The following GPR39 variants were observed in gnomAD, a reference collection of about 807,000 sequenced individuals.
The protein encoded by GPR39 is G protein-coupled receptor 39, also known as zinc sensing receptor.
Under a neutral mutation model 18.4 loss-of-function variants are expected in GPR39, and 23 were observed. The ratio of observed to expected loss-of-function variants is 1.25; its 90% CI spans 0.90 to 1.77. The LOEUF (loss-of-function observed/expected upper bound fraction) is 1.77. Among genes scored for constraint, GPR39 ranks in the 40% most tolerant of loss-of-function variants. The pLI is 0.00. For synonymous variants in GPR39, 280 were observed against 257.9 expected, an observed-to-expected ratio of 1.09 and a Z score of -0.82; for missense variants, 647 against 602.4, an observed-to-expected ratio of 1.07 and a Z score of -0.78.
intron 1 of GPR39, among the ~76,000 whole-genome samples, chr2:132,570,792 A>G (rs188266330): frequency 6.6e-6 from 1 of 152,192 alleles, no homozygotes; most frequent in African/African-American, 2.4e-5. Context: ...AATCTCCCTG[A>G]GGCAGCAGCC....
chr2:132,420,113 C>A (rs1189185174), intron 1 of GPR39, among the ~76,000 whole-genome samples: 1 of 152,202 alleles, frequency 6.6e-6, no homozygotes, highest in Non-Finnish European at 1.5e-5. Flanking sequence ...TCTTCTGGCT[C>A]TTTCCTTCTT....
chr2:132,522,779 T>G (rs1434894271), intron 1 of GPR39, among the ~76,000 whole-genome samples: 2 of 152,178 alleles, frequency 1.3e-5, no homozygotes, highest in Non-Finnish European at 2.9e-5. Flanking sequence ...CCTCCTTCCC[T>G]CTCTCTGACT....
At chr2:132,460,365 G>C (rs1680808835) in intron 1 of GPR39, among the ~76,000 whole-genome samples, 1 of 152,122 alleles carries the variant, frequency 6.6e-6, no homozygotes, top group Non-Finnish European at 1.5e-5. Context: ...TCTGAAAGTT[G>C]GCTTATGCTA....
intron 1 of GPR39, among the ~76,000 whole-genome samples, chr2:132,545,653 G>GGTGTGTGTGTGTGTGTGTGTGT (rs5834318): frequency 7.4e-5 from 10 of 134,788 alleles, no homozygotes; most frequent in African/African-American, 2.0e-4. Context: ...ATGTGTGATG[G>GGTGTGTGTGTGTGTGTGTGTGT]GCGTGTGTGT....
At chr2:132,533,565 T>G (rs141926272) in intron 1 of GPR39, among the ~76,000 whole-genome samples, 3 of 151,044 alleles carry the variant, frequency 2.0e-5, no homozygotes, top group Non-Finnish European at 4.4e-5. Flanking sequence ...AGAACAAAGC[T>G]GGAGGCATCC....
intron 1 of GPR39, among the ~76,000 whole-genome samples, chr2:132,516,098 G>T (rs566008341): frequency 1.5e-4 from 23 of 152,202 alleles, no homozygotes; most frequent in Middle Eastern, 6.8e-3. Flanking sequence ...TGCTTTCTGG[G>T]TCCTGGCAAG....
intron 1 of GPR39, among the ~76,000 whole-genome samples, chr2:132,489,646 C>T (rs1681419084): frequency 1.3e-5 from 2 of 151,926 alleles, no homozygotes; most frequent in Admixed American, 6.6e-5. Context: ...GGGCAAGACA[C>T]ATTTGTATGA....
intron 1 of GPR39, among the ~76,000 whole-genome samples, chr2:132,431,121 C>T (rs1285381346): frequency 6.6e-6 from 1 of 152,160 alleles, no homozygotes; most frequent in Non-Finnish European, 1.5e-5. Context: ...GACTCACTCA[C>T]TCACCTAGGT....
intron 1 of GPR39, among the ~76,000 whole-genome samples, chr2:132,617,941 A>G (rs188160422): frequency 1.3e-4 from 20 of 152,318 alleles, no homozygotes; most frequent in African/African-American, 4.8e-4. Context: ...GGCCAGCTCC[A>G]AAAGTCAGAA....
chr2:132,461,200 T>C (rs1210593105), intron 1 of GPR39, among the ~76,000 whole-genome samples: 2 of 152,194 alleles, frequency 1.3e-5, no homozygotes, highest in Non-Finnish European at 2.9e-5. Context: ...TGAAATGACA[T>C]CCTTGTGTTA....
intron 1 of GPR39, among the ~76,000 whole-genome samples, chr2:132,590,818 CGTGTGTGTGTGTGTGTGT>C (rs3066458): frequency 1.4e-5 from 2 of 143,900 alleles, no homozygotes; most frequent in South Asian, 4.6e-4. Context: ...AAGTATTGTT[CGTGTGTGTGTGTGTGTGT>C]GTGTGTGTGT....
At chr2:132,428,818 T>A (rs1680174416) in intron 1 of GPR39, among the ~76,000 whole-genome samples, 1 of 152,190 alleles carries the variant, frequency 6.6e-6, no homozygotes, top group African/African-American at 2.4e-5. Context: ...AGGTGGGAAT[T>A]TGCTCCATGA....
chr2:132,438,526 G>T (rs1680373269), intron 1 of GPR39, among the ~76,000 whole-genome samples: 1 of 149,494 alleles, frequency 6.7e-6, no homozygotes, highest in South Asian at 2.1e-4. Context: ...TTACGTATGG[G>T]CAATCCCTGT....
At chr2:132,482,940 A>G (rs991043785) in intron 1 of GPR39, among the ~76,000 whole-genome samples, 21 of 152,116 alleles carry the variant, frequency 1.4e-4, no homozygotes, top group African/African-American at 4.8e-4. Context: ...CTTCCACTCA[A>G]TGTTAAGTAC....
At chr2:132,534,954 C>G (rs914911946) in intron 1 of GPR39, among the ~76,000 whole-genome samples, 4 of 151,444 alleles carry the variant, frequency 2.6e-5, no homozygotes, top group African/African-American at 9.7e-5. Context: ...CAAACCTGGA[C>G]GTTGTGCACA....
intron 1 of GPR39, among the ~76,000 whole-genome samples, chr2:132,592,024 A>C (rs1680854870): frequency 6.6e-6 from 1 of 152,234 alleles, no homozygotes. Flanking sequence ...TTTCCTTGGT[A>C]AACAGGGTCT....
chr2:132,431,046 G>C (rs929014109), intron 1 of GPR39, among the ~76,000 whole-genome samples: 1 of 152,168 alleles, frequency 6.6e-6, no homozygotes, highest in African/African-American at 2.4e-5. Flanking sequence ...TCCTGCTTCT[G>C]AAATGCTGCT....
rs944718397 is a variant in GPR39 at position 132,645,968 on chromosome 2, AACTC to A, written c.*368_*371del. 5.7e-5 allele frequency: 63 copies of A among 1,114,112 alleles called. No homozygotes were observed. The highest frequency in any genetic ancestry group is 6.9e-5 in the Non-Finnish European group (54 of 788,210). 69.0% of individuals were successfully genotyped at this position (1,114,112 alleles called of 1,614,324 possible). ...CCAGAATAAAAGGACACCCAGAAGAAACTCACTCAGGGAGGTGGGGGGTTGGGGG... is the reference window on the plus strand; with the variant it reads ...CCAGAATAAAAGGACACCCAGAAGAAACTCAGGGAGGTGGGGGGTTGGGGG... On this transcript the variant is annotated 3_prime_UTR_variant, in exon 2 of 2. Coordinates refer to ENST00000329321, the MANE Select transcript of GPR39 (RefSeq NM_001508.3).
intron 1 of GPR39, among the ~76,000 whole-genome samples, chr2:132,514,816 T>G (rs1056850921): frequency 8.5e-5 from 13 of 152,218 alleles, no homozygotes; most frequent in African/African-American, 3.1e-4. Flanking sequence ...AAAAAAACTT[T>G]TTAAAAAGCC....
Sources: allele counts gnomAD v4.1 joint callset (sites outside exome capture counted in the v4.1 genomes callset), GRCh38; gene constraint gnomAD v4.1.1; transcripts MANE v1.5; gene names NCBI Gene and HGNC (gene_info 2026-07-23, HGNC 2026-07-21).